The following EEIG1 variants were observed in gnomAD, a reference collection of about 807,000 sequenced individuals.
The protein encoded by EEIG1 is early estrogen-induced gene 1 protein.
At chr9:127,968,131 T>A in the EEIG1 span, among the ~76,000 whole-genome samples, 2 of 152,014 alleles carry the variant, frequency 1.3e-5, no homozygotes, top group African/African-American at 4.8e-5. Context: ...TGGGACACCC[T>A]GGTTGGGACA....
chr9:127,966,085 GCAT>G, the EEIG1 span, among the ~76,000 whole-genome samples: 1 of 152,196 alleles, frequency 6.6e-6, no homozygotes, highest in Non-Finnish European at 1.5e-5. Flanking sequence ...AGGGAGGCTG[GCAT>G]CATAAGTGAC....
the EEIG1 span, among the ~76,000 whole-genome samples, chr9:127,958,453 C>A: frequency 6.6e-6 from 1 of 151,996 alleles, no homozygotes; most frequent in Non-Finnish European, 1.5e-5. Flanking sequence ...TCACTTGAGG[C>A]CAGAAGTTTG....
the EEIG1 span, chr9:127,950,754 C>T: frequency 7.4e-7 from 1 of 1,355,986 alleles, no homozygotes. Flanking sequence ...ACTCACATCC[C>T]TGAGCTGCAC....
chr9:127,968,706 C>G, the EEIG1 span, among the ~76,000 whole-genome samples: 1 of 152,218 alleles, frequency 6.6e-6, no homozygotes, highest in Non-Finnish European at 1.5e-5. Flanking sequence ...GTTCCCTGGA[C>G]TTCTGAGGTG....
chr9:127,976,088 G>A, the EEIG1 span, among the ~76,000 whole-genome samples: 1 of 152,178 alleles, frequency 6.6e-6, no homozygotes, highest in Admixed American at 6.5e-5. The surrounding 1 kb of genome is among the most constrained non-coding windows in gnomAD (Gnocchi z 4.1). Context: ...TAACTGCTCA[G>A]CTCTGGACTT....
the EEIG1 span, chr9:127,980,093 A>G: frequency 6.4e-5 from 103 of 1,613,594 alleles, no homozygotes; most frequent in Non-Finnish European, 8.3e-5. Context: ...CCAGGGTGAA[A>G]GTAGTTTGGA....
the EEIG1 span, chr9:127,948,132 G>A: frequency 6.2e-7 from 1 of 1,613,718 alleles, no homozygotes. Context: ...AGTTGGTGCT[G>A]CTGCCCCCAC....
At chr9:127,976,696 C>T in the EEIG1 span, among the ~76,000 whole-genome samples, 9 of 152,332 alleles carry the variant, frequency 5.9e-5, no homozygotes, top group Non-Finnish European at 1.3e-4. This position sits in a 1 kb window ranked among gnomAD's most constrained non-coding sequence, Gnocchi z 4.1. Context: ...TTGGGTCAGG[C>T]GAGCGGTGTA....
At chr9:127,952,629 C>A in the EEIG1 span, among the ~76,000 whole-genome samples, 5 of 152,170 alleles carry the variant, frequency 3.3e-5, no homozygotes, top group Admixed American at 6.5e-5. Context: ...GACACTGCTG[C>A]CATTAGAAAG....
At chr9:127,954,958 G>A in the EEIG1 span, among the ~76,000 whole-genome samples, 1 of 152,212 alleles carries the variant, frequency 6.6e-6, no homozygotes, top group African/African-American at 2.4e-5. Flanking sequence ...ACTGCTGCGG[G>A]GGCCTTGGCA....
At chr9:127,944,590 C>T in the EEIG1 span, 36 of 1,577,716 alleles carry the variant, frequency 2.3e-5, no homozygotes, top group East Asian at 1.8e-4. Context: ...GCCGCCCCGA[C>T]GACCCCTCCC....
At chr9:127,965,106 C>CAAAAAAAAAAAAA in the EEIG1 span, among the ~76,000 whole-genome samples, 1 of 69,702 alleles carries the variant, frequency 1.4e-5, no homozygotes. Context: ...AAGACTGTCT[C>CAAAAAAAAAAAAA]AAAAAAAAAA....
chr9:127,975,206 C>T, the EEIG1 span, among the ~76,000 whole-genome samples: 43 of 152,354 alleles, frequency 2.8e-4, no homozygotes, highest in Non-Finnish European at 4.3e-4. Flanking sequence ...GCCCCCAGCG[C>T]GGCACTGACC....
the EEIG1 span, among the ~76,000 whole-genome samples, chr9:127,973,371 G>A: frequency 6.6e-6 from 1 of 152,220 alleles, no homozygotes; most frequent in Admixed American, 6.5e-5. The surrounding 1 kb of genome is among the most constrained non-coding windows in gnomAD (Gnocchi z 4.2). Flanking sequence ...TGGACAAGCA[G>A]GGCCCTCAGG....
chr9:127,948,864 T>C, the EEIG1 span, among the ~76,000 whole-genome samples: 2 of 152,234 alleles, frequency 1.3e-5, no homozygotes, highest in East Asian at 3.9e-4. Context: ...GAAAGTCTGA[T>C]GAAAAAGCAT....
the EEIG1 span, among the ~76,000 whole-genome samples, chr9:127,963,401 TC>T: frequency 2.0e-5 from 3 of 152,158 alleles, no homozygotes; most frequent in Non-Finnish European, 4.4e-5. Flanking sequence ...AGGGCGTGCT[TC>T]CCCCGCTCCC....
chr9:127,965,359 C>T, the EEIG1 span, among the ~76,000 whole-genome samples: 1 of 152,074 alleles, frequency 6.6e-6, no homozygotes, highest in African/African-American at 2.4e-5. Context: ...GGTTGAGAGC[C>T]ACTGCTGCAG....
At chr9:127,949,970 T>C in the EEIG1 span, among the ~76,000 whole-genome samples, 1 of 152,164 alleles carries the variant, frequency 6.6e-6, no homozygotes, top group Admixed American at 6.5e-5. Context: ...GGGGAAGAGT[T>C]AGGAGCTGGG....
the EEIG1 span, among the ~76,000 whole-genome samples, chr9:127,965,488 C>G: frequency 6.6e-6 from 1 of 152,150 alleles, no homozygotes; most frequent in Admixed American, 6.5e-5. Flanking sequence ...CAGCTGTGCT[C>G]CTGGGTTCCT....
Sources: allele counts gnomAD v4.1 joint callset (sites outside exome capture counted in the v4.1 genomes callset), GRCh38; gene constraint gnomAD v4.1.1; non-coding constraint Gnocchi (gnomAD v3.1); transcripts MANE v1.5; gene names NCBI Gene and HGNC (gene_info 2026-07-23, HGNC 2026-07-21).